The following DAB1 variants were observed in gnomAD, a reference collection of about 807,000 sequenced individuals.
DAB1 encodes disabled homolog 1.
A neutral mutation model predicts 64.6 loss-of-function variants in DAB1; 15 were observed. The observed-to-expected ratio is 0.23, with a 90% CI of 0.16 to 0.36. DAB1 has a LOEUF of 0.36. Among genes scored for constraint, DAB1 ranks in the 10% least tolerant of loss-of-function variants. DAB1 has a pLI of 1.00. For missense variants in DAB1, 596 were observed against 706.7 expected, an observed-to-expected ratio of 0.84 and a Z score of 1.78; for synonymous variants, 235 against 251.9, an observed-to-expected ratio of 0.93 and a Z score of 0.64.
At chr1:57,118,446 C>T (rs1413477347) in intron 4 of DAB1, among the ~76,000 whole-genome samples, 1 of 152,170 alleles carries the variant, frequency 6.6e-6, no homozygotes, top group Middle Eastern at 3.2e-3. Context: ...AAAGATTATT[C>T]CATCTTCACC....
intron 3 of DAB1, among the ~76,000 whole-genome samples, chr1:58,365,874 C>T (rs1297574996): frequency 6.6e-6 from 1 of 152,134 alleles, no homozygotes; most frequent in Non-Finnish European, 1.5e-5. Flanking sequence ...CCTGACCCTG[C>T]AACTTGTGAC....
chr1:58,070,771 T>G (rs1427693896), intron 5 of DAB1, among the ~76,000 whole-genome samples: 2 of 151,054 alleles, frequency 1.3e-5, no homozygotes, highest in Non-Finnish European at 3.0e-5. Flanking sequence ...AGGACAGGAG[T>G]GAGGAGGAGG....
intron 6 of DAB1, among the ~76,000 whole-genome samples, chr1:57,678,178 C>A (rs953925430): frequency 3.3e-5 from 5 of 152,076 alleles, no homozygotes; most frequent in Admixed American, 3.3e-4. Flanking sequence ...AGGGAAAGAG[C>A]AAAGCAGAGG....
chr1:57,364,870 T>TAG (rs1477949696), intron 1 of DAB1, among the ~76,000 whole-genome samples: 50 of 147,634 alleles, frequency 3.4e-4, no homozygotes, highest in South Asian at 1.3e-3. Flanking sequence ...TATATATATA[T>TAG]AGAGAGAGAA....
chr1:57,198,772 T>G, intron 2 of DAB1, among the ~76,000 whole-genome samples: 1 of 147,632 alleles, frequency 6.8e-6, no homozygotes, highest in African/African-American at 2.5e-5. Flanking sequence ...GGAGAGGAGG[T>G]GATTAGGTGT....
chr1:57,113,876 T>A (rs1185125112), intron 4 of DAB1, among the ~76,000 whole-genome samples: 1 of 152,202 alleles, frequency 6.6e-6, no homozygotes, highest in African/African-American at 2.4e-5. Context: ...ATCTTTCTCG[T>A]AAATACTCAT....
intron 5 of DAB1, among the ~76,000 whole-genome samples, chr1:58,132,778 T>C (rs75494194): frequency 4.4e-4 from 67 of 152,282 alleles, no homozygotes; most frequent in African/African-American, 1.6e-3. Flanking sequence ...CGTAGACTCC[T>C]GGGTAAACTG....
At chr1:57,075,002 A>G (rs1220170168) in intron 4 of DAB1, among the ~76,000 whole-genome samples, 2 of 152,340 alleles carry the variant, frequency 1.3e-5, no homozygotes, top group East Asian at 3.9e-4. Flanking sequence ...GTGCGCTAAA[A>G]TGGTAGGCAG....
intron 7 of DAB1, among the ~76,000 whole-genome samples, chr1:57,435,054 T>C (rs889194736): frequency 1.4e-4 from 20 of 143,528 alleles, no homozygotes; most frequent in Non-Finnish European, 1.8e-4. Context: ...TTCTTTTTTT[T>C]TTTTTTTTTT....
At position 57,401,782 on chromosome 1, in the gene DAB1, CT is replaced by C. The variant is rs565953584; in HGVS notation, c.-137+22147del. Among the ~76,000 whole-genome samples, 253 of 152,322 alleles carry C rather than the reference CT, an allele frequency of 1.7e-3. 1 individual carries two copies. The highest frequency in any genetic ancestry group is 5.7e-3 in the African/African-American group (238 of 41,584). On this transcript the variant is annotated intron_variant, in intron 1 of 14. Transcript: ENST00000371236. ...ACATTCTACTTTATCCTAGGACTCT[CT>C]GCTACACAGCCTGCCAGGGCTTCAT...
At chr1:57,534,332 G>A (rs953021768) in intron 7 of DAB1, among the ~76,000 whole-genome samples, 5 of 152,138 alleles carry the variant, frequency 3.3e-5, no homozygotes, top group African/African-American at 1.2e-4. Context: ...CAATTTGTGG[G>A]GAAAGTGGAT....
intron 3 of DAB1, among the ~76,000 whole-genome samples, chr1:58,373,653 C>A (rs1355010137): frequency 2.6e-5 from 4 of 152,136 alleles, no homozygotes; most frequent in Non-Finnish European, 5.9e-5. Flanking sequence ...AGCCACGTGT[C>A]TTTATAGCAG....
intron 1 of DAB1, among the ~76,000 whole-genome samples, chr1:57,364,555 A>C (rs1679814282): frequency 6.6e-6 from 1 of 152,188 alleles, no homozygotes; most frequent in Non-Finnish European, 1.5e-5. Flanking sequence ...TATACTTAGC[A>C]TATATTAACA....
intron 7 of DAB1, among the ~76,000 whole-genome samples, chr1:57,536,478 T>C (rs1039972052): frequency 6.6e-6 from 1 of 152,210 alleles, no homozygotes; most frequent in Non-Finnish European, 1.5e-5. Context: ...AGATTCTTAA[T>C]GTCAGCAAAG....
rs1331622245 is a variant in DAB1, at chr1:57,945,149, GC to G, written n.388-60988del. 4.6e-5 allele frequency among the ~76,000 whole-genome samples: 7 copies of G among 152,086 alleles called. 1 individual carries two copies. Among genetic ancestry groups the G allele is most frequent in the African/African-American group, 1.7e-4 (7 of 41,410 alleles). On this transcript the variant is annotated intron_variant and non_coding_transcript_variant, in intron 5 of 20. Coordinates refer to the DAB1 transcript ENST00000485760. ...TTCTGCCTGCAACATCTATTCTCTA[GC>G]CTAAATGCTTCCATGCAAGGCCACA...
intron 7 of DAB1, among the ~76,000 whole-genome samples, chr1:57,630,722 T>C (rs2101627796): frequency 6.6e-6 from 1 of 152,310 alleles, no homozygotes; most frequent in South Asian, 2.1e-4. Flanking sequence ...GACCAAATTG[T>C]GGAATTAAAA....
intron 6 of DAB1, among the ~76,000 whole-genome samples, chr1:57,711,688 T>C (rs1647031745): frequency 6.6e-6 from 1 of 152,210 alleles, no homozygotes; most frequent in African/African-American, 2.4e-5. Flanking sequence ...TACTGCCCCA[T>C]ATCTTTTTAG....
At chr1:57,634,557 C>A (rs572672669) in intron 7 of DAB1, among the ~76,000 whole-genome samples, 1 of 152,172 alleles carries the variant, frequency 6.6e-6, no homozygotes, top group Non-Finnish European at 1.5e-5. Flanking sequence ...GTTTTCCTAA[C>A]GTGTAAAAAT....
intron 2 of DAB1, among the ~76,000 whole-genome samples, chr1:58,522,280 T>C (rs955931953): frequency 2.6e-5 from 4 of 152,198 alleles, no homozygotes; most frequent in Non-Finnish European, 1.5e-5. Flanking sequence ...TTTATTAATG[T>C]AACAAACCTG....
Sources: gnomAD v4.1 joint callset for allele counts (sites outside exome capture counted in the v4.1 genomes callset) on GRCh38, gnomAD v4.1.1 for gene constraint, MANE v1.5 for transcripts, NCBI Gene and HGNC (gene_info 2026-07-23, HGNC 2026-07-21) for gene names.